The following ALMS1 variants were observed in gnomAD, a reference collection of about 807,000 sequenced individuals.
The protein encoded by ALMS1 is centrosome-associated protein ALMS1.
A neutral mutation model predicts 352.2 loss-of-function variants in ALMS1; 271 were observed. The observed-to-expected ratio is 0.77, with a 90% CI of 0.70 to 0.85. The LOEUF (loss-of-function observed/expected upper bound fraction) is 0.85. Ranked by LOEUF, ALMS1 falls within the 40% of genes least tolerant of loss-of-function variation. ALMS1 has a pLI of 0.00. For synonymous variants in ALMS1, 1,865 were observed against 1,761.2 expected (o/e 1.06, Z -1.48); for missense variants, 5,445 against 4,870.7 (o/e 1.12, Z -3.51).
chr2:73,438,252 G>T (rs568663958), intron 7 of ALMS1, among the ~76,000 whole-genome samples: 12 of 152,132 alleles, frequency 7.9e-5, no homozygotes, highest in Non-Finnish European at 1.8e-4. Flanking sequence ...GATATTAGTT[G>T]CCCTGATTTC....
chr2:73,576,624 CTTT>C (rs60798625), intron 16 of ALMS1, among the ~76,000 whole-genome samples: 2 of 142,532 alleles, frequency 1.4e-5, no homozygotes. Flanking sequence ...TTTTCTTTTT[CTTT>C]TTTTTTTTTT....
At chr2:73,537,978 T>C (rs1481641192) in intron 12 of ALMS1, among the ~76,000 whole-genome samples, 3 of 152,106 alleles carry the variant, frequency 2.0e-5, no homozygotes, top group Non-Finnish European at 4.4e-5. Flanking sequence ...TGCAGTCCAC[T>C]CTGGGCAACA....
At chr2:73,446,259 T>A (rs1671809711) in intron 7 of ALMS1, among the ~76,000 whole-genome samples, 1 of 152,192 alleles carries the variant, frequency 6.6e-6, no homozygotes. Flanking sequence ...CCTTAGCTAT[T>A]TATCTCATTT....
At chr2:73,385,763 G>A, upstream of ALMS1, 1 of 580,200 alleles carries the variant, frequency 1.7e-6, no homozygotes. Context: ...CGCCCAGGCG[G>A]GCGGCACTGC....
At position 73,448,718 on chromosome 2, in the gene ALMS1, G is replaced by T. The variant is rs1337404560; in HGVS notation, c.2191G>T (p.Ala731Ser). Reference protein sequence around the residue: ...KPGIFYQQEFADSHQTEETLT... With the variant: ...KPGIFYQQEFSDSHQTEETLT... ...TGGTATTTTTTACCAACAAGAGTTCGCAGACAGTCATCAAACTGAAGAGAC... is the reference window on the plus strand; with the variant it reads ...TGGTATTTTTTACCAACAAGAGTTCTCAGACAGTCATCAAACTGAAGAGAC... The change falls in exon 8 of 23, where the codon GCA (alanine) becomes TCA (serine). Residue 731 changes from alanine to serine, a missense_variant. Physicochemically the swap from Ala to Ser is moderately conservative, Grantham distance 99 (BLOSUM62 1). Coordinates refer to ENST00000613296, the MANE Select transcript of ALMS1 (RefSeq NM_001378454.1). 1 of 1,605,030 alleles carries T rather than the reference G, an allele frequency of 6.2e-7. No homozygotes were observed. The highest frequency in any genetic ancestry group is 8.5e-7 in the Non-Finnish European group (1 of 1,174,142).
Position 73,557,351 on chromosome 2 carries a change from G to T in ALMS1, c.10210G>T (p.Ala3404Ser). The T allele has an allele frequency of 6.2e-6, 10 of 1,614,104 alleles. No homozygotes were observed. The highest frequency in any genetic ancestry group is 7.6e-6 in the Non-Finnish European group (9 of 1,179,982). Residue 3404 changes from alanine to serine, a missense_variant, in exon 14 of 23, where the codon GCA becomes TCA. Coordinates refer to ENST00000613296, the MANE Select transcript of ALMS1 (RefSeq NM_001378454.1). Reference protein sequence around the residue: ...KEKESLQKDTADSSAAAAAEH... With the variant: ...KEKESLQKDTSDSSAAAAAEH... ...AAAAGAATCTTTGCAGAAAGATACT[G>T]CAGGTAGCTAAACTGGATTGTCTGC...
Position 73,489,763 on chromosome 2 carries a change from T to TG in ALMS1, c.7805dup (p.Cys2602TrpfsTer59). On this transcript the variant is annotated frameshift_variant, in exon 10 of 23. Coordinates refer to ENST00000613296, the MANE Select transcript of ALMS1 (RefSeq NM_001378454.1). LOFTEE classifies it high-confidence loss of function. ...ACATCCACAACTAGATAGACACCCT[T>TG]GTGCTTTCAGATCTGCTGGACCCTC... is the stretch of plus-strand genomic sequence containing the variant. 6.2e-7 allele frequency: 1 copy of TG among 1,614,142 alleles called. No individual in the cohort carries two copies. The highest frequency in any genetic ancestry group is 8.5e-7 in the Non-Finnish European group (1 of 1,180,020).
At chr2:73,455,406 T>C in intron 9 of ALMS1, 111 bp downstream of exon 9, 1 of 1,419,612 alleles carries the variant, frequency 7.0e-7, no homozygotes, top group Non-Finnish European at 9.7e-7. Flanking sequence ...GGCTAAAGCC[T>C]TTTTTGGTTT....
chr2:73,447,070 G>T (rs1216481175), intron 7 of ALMS1, among the ~76,000 whole-genome samples: 3 of 144,382 alleles, frequency 2.1e-5, no homozygotes, highest in Non-Finnish European at 3.1e-5. Flanking sequence ...GTTTATTGCT[G>T]TATGTAGAAC....
rs561255481 is a variant in ALMS1 at position 73,453,653 on chromosome 2, G to C, written c.7126G>C (p.Glu2376Gln). Reference sequence around the variant, plus strand: ...GAGCAAAGTCAGTATGGCATTAGAAGAAACTCTTAGGCAATATCAAGCAGC... The same window carrying C: ...GAGCAAAGTCAGTATGGCATTAGAACAAACTCTTAGGCAATATCAAGCAGC... ...AESKVSMALE[E>Q]TLRQYQAAKS... Residue 2376 changes from glutamate (E) to glutamine (Q), a missense_variant, in exon 8 of 23, where the codon GAA becomes CAA. Physicochemically the swap from Glu to Gln is conservative, Grantham distance 29 (BLOSUM62 2). Coordinates refer to ENST00000613296, the MANE Select transcript of ALMS1 (RefSeq NM_001378454.1). 6.2e-7 allele frequency: 1 copy of C among 1,614,064 alleles called. No individual in the cohort carries two copies. Among genetic ancestry groups the C allele is most frequent in the African/African-American group, 1.3e-5 (1 of 75,036 alleles).
At chr2:73,440,626 T>C (rs1196846906) in intron 7 of ALMS1, among the ~76,000 whole-genome samples, 4 of 152,046 alleles carry the variant, frequency 2.6e-5, no homozygotes, top group Non-Finnish European at 4.4e-5. Context: ...GGTTTCATCA[T>C]GTTGGCCAGG....
rs1272665212 is a variant in ALMS1, at chr2:73,452,930, C to CCAA, written c.6406_6408dup (p.Thr2136dup). The CCAA allele has an allele frequency of 2.5e-6, 4 of 1,613,644 alleles. No homozygotes were observed. The highest frequency in any genetic ancestry group is 3.4e-6 in the Non-Finnish European group (4 of 1,179,960). On this transcript the variant is annotated inframe_insertion, in exon 8 of 23. Coordinates refer to ENST00000613296, the MANE Select transcript of ALMS1 (RefSeq NM_001378454.1). ...ACCAGCTGGCCAGAAAACAGTATTACCAACAGCTCTTCCTAGTTCCTTTTC... is the reference window on the plus strand; with the variant it reads ...ACCAGCTGGCCAGAAAACAGTATTACCAACAACAGCTCTTCCTAGTTCCTTTTC...
At chr2:73,466,463 A>T (rs1251295540) in intron 9 of ALMS1, among the ~76,000 whole-genome samples, 3 of 124,184 alleles carry the variant, frequency 2.4e-5, no homozygotes, top group Admixed American at 1.0e-4. Flanking sequence ...GAAGGGGAAC[A>T]TCACACTCTG....
intron 5 of ALMS1, among the ~76,000 whole-genome samples, chr2:73,425,958 C>A (rs1671369818): frequency 6.6e-6 from 1 of 152,186 alleles, no homozygotes. Context: ...AAAAATCTTA[C>A]AACCAGGCTG....
intron 2 of ALMS1, among the ~76,000 whole-genome samples, chr2:73,410,303 C>A (rs1309247728): frequency 2.0e-5 from 3 of 152,058 alleles, no homozygotes; most frequent in Admixed American, 2.0e-4. Flanking sequence ...GCAAGAGAAT[C>A]GCTTGAACCC....
At chr2:73,576,965 A>G (rs1420358956) in intron 16 of ALMS1, among the ~76,000 whole-genome samples, 5 of 152,020 alleles carry the variant, frequency 3.3e-5, no homozygotes, top group African/African-American at 1.2e-4. Context: ...ATATTTATTG[A>G]TAATCATATT....
At chr2:73,385,775 C>A, upstream of ALMS1, 1 of 610,850 alleles carries the variant, frequency 1.6e-6, no homozygotes, top group Non-Finnish European at 2.9e-6. Context: ...CGGCACTGCG[C>A]CTAAGCTGGG....
chr2:73,465,517 C>T (rs764362995), intron 9 of ALMS1, among the ~76,000 whole-genome samples: 10 of 152,176 alleles, frequency 6.6e-5, no homozygotes, highest in Non-Finnish European at 1.3e-4. Flanking sequence ...ACATGTTAGT[C>T]CGAAAACTGT....
chr2:73,528,588 C>T (rs186915624), intron 11 of ALMS1, among the ~76,000 whole-genome samples: 32 of 151,790 alleles, frequency 2.1e-4, no homozygotes, highest in Admixed American at 9.8e-4. Flanking sequence ...TTTTTCCATC[C>T]TGTTATTTTT....
Sources: gnomAD v4.1 joint callset for allele counts (sites outside exome capture counted in the v4.1 genomes callset) on GRCh38, gnomAD v4.1.1 for gene constraint, MANE v1.5 for transcripts, NCBI Gene and HGNC (gene_info 2026-07-23, HGNC 2026-07-21) for gene names.